Variants in CPEB1 observed in about 807,000 individuals in gnomAD.
CPEB1 encodes cytoplasmic polyadenylation element-binding protein 1.
CPEB1 carries 7 observed loss-of-function variants against 65.8 expected under a neutral mutation model. The ratio of observed to expected loss-of-function variants is 0.11; its 90% CI spans 0.06 to 0.20. The LOEUF (loss-of-function observed/expected upper bound fraction) is 0.20. Ranked by LOEUF, CPEB1 falls within the 10% of genes least tolerant of loss-of-function variation. The pLI is 1.00. For synonymous variants in CPEB1, 262 were observed against 260.0 expected, an observed-to-expected ratio of 1.01 and a Z score of -0.08; for missense variants, 551 against 712.2, an observed-to-expected ratio of 0.77 and a Z score of 2.58.
At chr15:82,556,908 C>T (rs1235619930) in intron 5 of CPEB1, among the ~76,000 whole-genome samples, 1 of 152,182 alleles carries the variant, frequency 6.6e-6, no homozygotes, top group Non-Finnish European at 1.5e-5. Context: ...CGATCACAAC[C>T]AAAGTTGCCA....
intron 3 of CPEB1, among the ~76,000 whole-genome samples, chr15:82,596,508 T>TC (rs756943812): frequency 6.6e-6 from 1 of 151,676 alleles, no homozygotes; most frequent in African/African-American, 2.4e-5. Context: ...GAGTTGAAAC[T>TC]CCAACATGGC....
chr15:82,627,393 T>G, intron 2 of CPEB1, 26 bp from the exon 3 acceptor site: 1 of 1,576,546 alleles, frequency 6.3e-7, no homozygotes, highest in East Asian at 2.2e-5. Context: ...AAAAGATATT[T>G]AGGTTTTCTA....
At position 82,555,852 on chromosome 15, in the gene CPEB1, T is replaced by G. The variant is rs1440127759; in HGVS notation, c.940+18A>C. The G allele has an allele frequency of 1.9e-6, 3 of 1,601,412 alleles. No individual in the cohort carries two copies. Among genetic ancestry groups the G allele is most frequent in the Non-Finnish European group, 2.6e-6 (3 of 1,176,302 alleles). ...AAAATGAGGCCTCAGGCCTCACACA[T>G]GCTCAAGGCACACTCACCTGCAGCT... On this transcript the variant is annotated intron_variant, in intron 6 of 12. Transcript: ENST00000684509.
At chr15:82,608,828 T>C (rs1200082579) in intron 3 of CPEB1, among the ~76,000 whole-genome samples, 1 of 152,206 alleles carries the variant, frequency 6.6e-6, no homozygotes, top group African/African-American at 2.4e-5. Flanking sequence ...GGAAACTGTA[T>C]ACTTGAACAC....
At chr15:82,636,258 G>A (rs2046651533) in intron 1 of CPEB1, among the ~76,000 whole-genome samples, 1 of 152,080 alleles carries the variant, frequency 6.6e-6, no homozygotes. Flanking sequence ...TGTCCTGCCA[G>A]CACTGATCTC....
chr15:82,616,538 T>A (rs932987333), intron 3 of CPEB1, among the ~76,000 whole-genome samples: 1 of 115,766 alleles, frequency 8.6e-6, no homozygotes, highest in African/African-American at 3.8e-5. Flanking sequence ...TCTTTTTAAA[T>A]TTTTTTTTTT....
intron 1 of CPEB1, among the ~76,000 whole-genome samples, chr15:82,631,605 C>T (rs1043777570): frequency 1.3e-5 from 2 of 152,018 alleles, no homozygotes; most frequent in African/African-American, 2.4e-5. Context: ...GTCTATCAGT[C>T]GTATCATTAT....
At chr15:82,555,084 C>G (rs1237124454) in intron 6 of CPEB1, among the ~76,000 whole-genome samples, 2 of 152,234 alleles carry the variant, frequency 1.3e-5, no homozygotes, top group Non-Finnish European at 2.9e-5. Flanking sequence ...TCATCAAATT[C>G]AGGACCTCTG....
chr15:82,627,094 G>T, intron 3 of CPEB1, 99 bp downstream of exon 3: 1 of 963,934 alleles, frequency 1.0e-6, no homozygotes, highest in Non-Finnish European at 1.5e-6. Context: ...ACTCAACATT[G>T]TTCTTCACAA....
In CPEB1 at chr15:82,543,461, TAAAAAAAAAAAA is replaced by T. The variant is rs803695; in HGVS notation, c.*1119_*1130del. 3 of 131,964 alleles carry T rather than the reference TAAAAAAAAAAAA, an allele frequency of 2.3e-5. No individual in the cohort carries two copies. Among genetic ancestry groups the T allele is most frequent in the Non-Finnish European group, 4.6e-5 (3 of 64,750 alleles). The allele number at this position is 131,964 out of a possible 1,614,324, so 8.2% of individuals were successfully genotyped here. A position where few individuals can be genotyped will look rare whatever the true frequency, so the allele number is the denominator to read the frequency against. On this transcript the variant is annotated 3_prime_UTR_variant, in exon 13 of 13. Coordinates refer to ENST00000684509, the MANE Select transcript of CPEB1 (RefSeq NM_001365242.1). ...TTTTTGTGGGTTTTTTGTTTCTTTT[TAAAAAAAAAAAA>T]AAAAAAAAAAAGGAAAGAAAAAAAA...
rs1313514368 is a variant in CPEB1 at position 82,627,384 on chromosome 15, A to G, written c.97-17T>C. On this transcript the variant is annotated splice_polypyrimidine_tract_variant and intron_variant, in intron 2 of 12. Coordinates refer to ENST00000684509, the MANE Select transcript of CPEB1 (RefSeq NM_001365242.1). ...TTCTTCTTCCTAGACACAGAAAAAA[A>G]AAGATATTTAGGTTTTCTACACTCC... The G allele has an allele frequency of 1.3e-6, 2 of 1,593,394 alleles. No individual in the cohort carries two copies. The highest frequency in any genetic ancestry group is 1.7e-4 in the Middle Eastern group (1 of 5,974).
At chr15:82,613,057 C>T (rs751903475) in intron 3 of CPEB1, among the ~76,000 whole-genome samples, 5 of 149,732 alleles carry the variant, frequency 3.3e-5, no homozygotes, top group African/African-American at 4.9e-5. Context: ...TTTCAAGAAG[C>T]TAATGATTTG....
intron 1 of CPEB1, chr15:82,638,089 GGTT>G: frequency 2.9e-6 from 1 of 350,706 alleles, no homozygotes; most frequent in Admixed American, 3.1e-5. Context: ...GTGTTATTCT[GGTT>G]GAAGTATATG....
At chr15:82,579,523 T>C (rs2151091119) in intron 3 of CPEB1, among the ~76,000 whole-genome samples, 1 of 152,262 alleles carries the variant, frequency 6.6e-6, no homozygotes, top group Middle Eastern at 3.4e-3. Flanking sequence ...GCCCTAACAA[T>C]CATCATTATC....
intron 3 of CPEB1, among the ~76,000 whole-genome samples, chr15:82,619,671 A>C (rs537202873): frequency 1.3e-5 from 2 of 152,308 alleles, no homozygotes; most frequent in South Asian, 4.1e-4. Context: ...AAAGGCCAGT[A>C]AACATGAAAA....
At chr15:82,633,270 T>C (rs921669278) in intron 1 of CPEB1, 13 of 152,236 alleles carry the variant, frequency 8.5e-5, no homozygotes, top group African/African-American at 2.4e-4. Context: ...TTAAAAACAA[T>C]TGTTTAATGC....
At chr15:82,583,554 G>C (rs1422130420) in intron 3 of CPEB1, 2 of 152,114 alleles carry the variant, frequency 1.3e-5, no homozygotes, top group African/African-American at 2.4e-5. Context: ...AGAGCAATCT[G>C]ACAAAAACAT....
intron 3 of CPEB1, among the ~76,000 whole-genome samples, chr15:82,611,257 T>C (rs961074387): frequency 2.6e-5 from 4 of 151,936 alleles, no homozygotes; most frequent in Non-Finnish European, 2.9e-5. Context: ...CAAAAATCCA[T>C]GTACAAAAAC....
chr15:82,622,641 C>A (rs138546847), intron 3 of CPEB1, among the ~76,000 whole-genome samples: 2 of 152,278 alleles, frequency 1.3e-5, no homozygotes, highest in Non-Finnish European at 2.9e-5. Context: ...ATCTGCCCAC[C>A]TCGGCCTCCC....
Sources: allele counts gnomAD v4.1 joint callset (sites outside exome capture counted in the v4.1 genomes callset), GRCh38; gene constraint gnomAD v4.1.1; transcripts MANE v1.5; gene names NCBI Gene and HGNC (gene_info 2026-07-23, HGNC 2026-07-21).